The following CD7 variants were observed in gnomAD, a reference collection of about 807,000 sequenced individuals.
The protein encoded by CD7 is CD7 molecule.
In CD7, 19 loss-of-function variants were observed where a neutral mutation model predicts 17.6. The observed-to-expected ratio is 1.08, with a 90% CI of 0.75 to 1.58. The LOEUF is 1.58. CD7 is among the 40% of genes most tolerant of loss of function. The pLI is 0.00. For missense variants in CD7, 291 were observed against 327.1 expected, an observed-to-expected ratio of 0.89 and a Z score of 0.85; for synonymous variants, 160 against 159.8, an observed-to-expected ratio of 1.00 and a Z score of -0.01.
Position 82,315,081 on chromosome 17 carries a change from G to T in CD7, c.*240C>A. ...CAAAGGACAGTCAGGCTTCCTCCCGGTGGCGGCGTGGGCTGGGCAGGGAAG... is the reference window on the plus strand; with the variant it reads ...CAAAGGACAGTCAGGCTTCCTCCCGTTGGCGGCGTGGGCTGGGCAGGGAAG... On this transcript the variant is annotated 3_prime_UTR_variant, in exon 4 of 4. Coordinates refer to ENST00000312648, the MANE Select transcript of CD7 (RefSeq NM_006137.7). 2.1e-6 allele frequency: 1 copy of T among 485,920 alleles called. No individual in the cohort carries two copies. Among genetic ancestry groups the T allele is most frequent in the South Asian group, 2.2e-5 (1 of 46,108 alleles). 30.1% of individuals were successfully genotyped at this position (485,920 alleles called of 1,614,324 possible).
At chr17:82,315,481 G>A (rs1424886421) in intron 3 of CD7, 50 bp from the exon 4 acceptor site, 1 of 1,401,580 alleles carries the variant, frequency 7.1e-7, no homozygotes, top group East Asian at 2.3e-5. Context: ...TGGTGTCCTG[G>A]ACCCCACCCC....
chr17:82,316,830 G>A lies in CD7; in HGVS notation c.234C>T (p.Pro78=). ...GGCCCCGGAACCGTCTGTCCGTAGT[G>A]GGCACCACCCCGTCCTCGTAGTAAA... ...DIIYYEDGVV[P]TTDRRFRGRI... Residue 78 remains proline (P), a synonymous_variant, in exon 2 of 4, where the codon CCC becomes CCT. Coordinates refer to ENST00000312648, the MANE Select transcript of CD7 (RefSeq NM_006137.7). 6.2e-7 allele frequency: 1 copy of A among 1,613,996 alleles called. No homozygotes were observed. The highest frequency in any genetic ancestry group is 8.5e-7 in the Non-Finnish European group (1 of 1,180,000).
intron 2 of CD7, 99 bp from the exon 3 acceptor site, chr17:82,316,508 G>A (rs1339114029): frequency 1.6e-6 from 2 of 1,273,942 alleles, no homozygotes; most frequent in African/African-American, 1.5e-5. Flanking sequence ...TGGAGGGGAG[G>A]AGGGGCAGCT....
rs182753321 is a variant in CD7, at chr17:82,316,342, T to A, written c.465A>T (p.Pro155=). The A allele has an allele frequency of 8.1e-5, 128 of 1,588,816 alleles. No homozygotes were observed. The highest frequency in any genetic ancestry group is 5.0e-4 in the Admixed American group (28 of 56,346). ...GGTCAGGGAGGGCGGAGCCTGTCGG[T>A]GGGGCAGGGAGGGCAGAGGCCCTTG... The part of the protein sequence containing the change: ...APPRASALPA[P]PTGSALPDPQ... Residue 155 remains proline, a synonymous_variant, in exon 3 of 4, where the codon CCA becomes CCT. Coordinates refer to ENST00000312648, the MANE Select transcript of CD7 (RefSeq NM_006137.7).
rs760684249 is a variant in CD7, at chr17:82,316,158, C to A, written c.612+37G>T. 917 of 1,542,538 alleles carry A rather than the reference C, an allele frequency of 5.9e-4. 2 individuals are homozygous for A. The highest frequency in any genetic ancestry group is 7.6e-4 in the Non-Finnish European group (868 of 1,139,776). The stretch of plus-strand genomic sequence containing the variant: ...CGCTGCTCTCAGGAGAGGGAACAAT[C>A]TTTGGGGTGCAGGTGGCAGCTGGGG... On this transcript the variant is annotated intron_variant, in intron 3 of 3. Coordinates refer to ENST00000312648, the MANE Select transcript of CD7 (RefSeq NM_006137.7).
Position 82,316,371 on chromosome 17 carries a change from G to T in CD7, c.436C>A (p.Pro146Thr). 6.3e-7 allele frequency: 1 copy of T among 1,592,922 alleles called. No homozygotes were observed. Among genetic ancestry groups the T allele is most frequent in the Non-Finnish European group, 8.5e-7 (1 of 1,170,342 alleles). Residue 146 changes from proline to threonine, a missense_variant, in exon 3 of 4, where the codon CCA becomes ACA. Pro to Thr is a conservative substitution (Grantham distance 38). Coordinates refer to ENST00000312648, the MANE Select transcript of CD7 (RefSeq NM_006137.7). ...SQGWHRCSDA[P>T]PRASALPAPP... ...GCAGGGAGGGCAGAGGCCCTTGGTGGGGCGTCCGAGCATCTGTGCCATCCT... is the reference window on the plus strand; with the variant it reads ...GCAGGGAGGGCAGAGGCCCTTGGTGTGGCGTCCGAGCATCTGTGCCATCCT...
At chr17:82,316,505 G>A (rs1427258970) in intron 2 of CD7, 96 bp from the exon 3 acceptor site, 7 of 1,299,730 alleles carry the variant, frequency 5.4e-6, no homozygotes, top group Non-Finnish European at 6.4e-6. Flanking sequence ...CTGTGGAGGG[G>A]AGGAGGGGCA....
In CD7 at chr17:82,317,591, C is replaced by T. The variant is rs566575598; in HGVS notation, c.-96G>A. The T allele has an allele frequency of 1.7e-4, 203 of 1,172,374 alleles. No homozygotes were observed. The highest frequency in any genetic ancestry group is 2.8e-4 in the Middle Eastern group (1 of 3,590). 72.6% of individuals were successfully genotyped at this position (1,172,374 alleles called of 1,614,324 possible). A position where few individuals can be genotyped will look rare whatever the true frequency, so the allele number is the denominator to read the frequency against. ...AGAGCAGCACACAGGAGACCGCAGG[C>T]GCTCAGAGCTCAGAGAGGGCTTCCT... On this transcript the variant is annotated 5_prime_UTR_variant, in exon 1 of 4. Transcript: ENST00000312648.
In CD7 at chr17:82,315,403, T is replaced by G. The variant is rs781041449; in HGVS notation, c.641A>C (p.Lys214Thr). 6.2e-7 allele frequency: 1 copy of G among 1,613,242 alleles called. No homozygotes were observed. Among genetic ancestry groups the G allele is most frequent in the African/African-American group, 1.3e-5 (1 of 74,886 alleles). ...QIKKLCSWRD[K>T]NSAACVVYED... The stretch of plus-strand genomic sequence containing the variant: ...GTACACCACACATGCCGCCGAATTC[T>G]TATCCCGCCACGAGCACAGTTTCTT... The change falls in exon 4 of 4, where the codon AAG becomes ACG. Residue 214 changes from lysine to threonine, a missense_variant. Transcript: ENST00000312648.
At chr17:82,316,480 C>CGGG (rs1339054398) in intron 2 of CD7, 71 bp from the exon 3 acceptor site, 2 of 1,406,262 alleles carry the variant, frequency 1.4e-6, no homozygotes, top group African/African-American at 2.9e-5. Context: ...GTTTGGGATT[C>CGGG]GGGGCAGGGA....
intron 3 of CD7, chr17:82,315,642 GA>G: frequency 3.5e-6 from 2 of 567,984 alleles, no homozygotes; most frequent in Non-Finnish European, 6.3e-6. Flanking sequence ...AAGGAGAGTG[GA>G]AGTGGCTTGG....
At chr17:82,315,696 C>A (rs2052004212) in intron 3 of CD7, 5 of 547,528 alleles carry the variant, frequency 9.1e-6, no homozygotes, top group South Asian at 6.1e-5. Flanking sequence ...CCCACTCCAG[C>A]CCCAGACAAA....
rs139943005 is a variant in CD7 at position 82,316,935 on chromosome 17, G to A, written c.129C>T (p.Ser43=). 76 of 1,608,082 alleles carry A rather than the reference G, an allele frequency of 4.7e-5. No homozygotes were observed. In the African/African-American group the frequency reaches 6.8e-4, roughly 14 times the overall value. The change falls in exon 2 of 4, where the codon TCC becomes TCT. Residue 43 remains serine (S), a synonymous_variant. Coordinates refer to ENST00000312648, the MANE Select transcript of CD7 (RefSeq NM_006137.7). ...PHCTTVPVGA[S]VNITCSTSGG... is the part of the protein sequence containing the mutation. ...CGCTGGTGGAGCAGGTGATGTTGAC[G>A]GAGGCTCCCACGGGGACAGTCGTGC...
chr17:82,315,789 C>T, intron 3 of CD7: 1 of 568,210 alleles, frequency 1.8e-6, no homozygotes, highest in East Asian at 3.0e-5. Context: ...ACACAGCACG[C>T]CGGCACACTC....
rs1179324099 is a variant in CD7, at chr17:82,315,204, AACTCTGCTGCAGCCGTGGGAGG to A, written c.*95_*116del. On this transcript the variant is annotated 3_prime_UTR_variant, in exon 4 of 4. Coordinates refer to ENST00000312648, the MANE Select transcript of CD7 (RefSeq NM_006137.7). ...GAGCTGGGCACGGCTGGGCCCTTCA[AACTCTGCTGCAGCCGTGGGAGG>A]ACAGCAGGGTGAGGGGTGTGGCAGG... 1.7e-5 allele frequency: 12 copies of A among 700,866 alleles called. No homozygotes were observed. The Admixed American group carries it at 2.3e-4, about 13-fold the overall frequency. The allele number at this position is 700,866 out of a possible 1,614,324, so 43.4% of individuals were successfully genotyped here. A position where few individuals can be genotyped will look rare whatever the true frequency, so the allele number is the denominator to read the frequency against.
rs779536531 is a variant in CD7 at position 82,315,450 on chromosome 17, G to A, written c.613-19C>T. 193 of 1,597,778 alleles carry A rather than the reference G, an allele frequency of 1.2e-4. No homozygotes were observed. The highest frequency in any genetic ancestry group is 2.2e-4 in the South Asian group (20 of 90,710). ...TCTTTATCTGAAAGACAGAACCGCC[G>A]TCTCCAACCAGTGGCCAGCGTGGTG... On this transcript the variant is annotated intron_variant, in intron 3 of 3. Transcript: ENST00000312648.
At position 82,316,978 on chromosome 17, in the gene CD7, A is replaced by C; in HGVS notation, c.86T>G (p.Val29Gly). 3 of 1,582,254 alleles carry C rather than the reference A, an allele frequency of 1.9e-6. No individual in the cohort carries two copies. Among genetic ancestry groups the C allele is most frequent in the Non-Finnish European group, 2.6e-6 (3 of 1,167,728 alleles). The stretch of plus-strand genomic sequence containing the variant: ...AGTCGTGCAGTGGGGAGACTGCTGC[A>C]CCTCTGGGGAGGACCTGGGCTGTCA... ...GLPGALAAQE[V>G]QQSPHCTTVP... The change falls in exon 2 of 4, where the codon GTG becomes GGG. Residue 29 changes from valine to glycine, a missense_variant. Coordinates refer to ENST00000312648, the MANE Select transcript of CD7 (RefSeq NM_006137.7).
chr17:82,315,327 G>A lies in CD7; in HGVS notation c.717C>T (p.Tyr239=). ...CGTGCAGGGGCCCACTGGGTCACTGGTACTGGTTGGGGGAGGACAGCGTGT... is the reference window on the plus strand; with the variant it reads ...CGTGCAGGGGCCCACTGGGTCACTGATACTGGTTGGGGGAGGACAGCGTGT... ...RCNTLSSPNQ[Y]Q Residue 239 remains tyrosine (Y), a synonymous_variant, in exon 4 of 4, where the codon TAC becomes TAT. Coordinates refer to ENST00000312648, the MANE Select transcript of CD7 (RefSeq NM_006137.7). 1.2e-6 allele frequency: 2 copies of A among 1,610,220 alleles called. No homozygotes were observed. Among genetic ancestry groups the A allele is most frequent in the African/African-American group, 2.7e-5 (2 of 74,784 alleles).
Position 82,315,131 on chromosome 17 carries a change from C to T in CD7, c.*190G>A, listed in dbSNP as rs1599646143. The T allele has an allele frequency of 1.8e-6, 1 of 570,226 alleles. No individual in the cohort carries two copies. 35.3% of individuals were successfully genotyped at this position (570,226 alleles called of 1,614,324 possible). A position where few individuals can be genotyped will look rare whatever the true frequency, so the allele number is the denominator to read the frequency against. ...GGCTTCCCGGAGGAGGCATCATTGT[C>T]CACTGAGAAGCACCGTGGGGCCTGG... On this transcript the variant is annotated 3_prime_UTR_variant, in exon 4 of 4. Transcript: ENST00000312648.
Sources: allele counts gnomAD v4.1 joint callset, GRCh38; gene constraint gnomAD v4.1.1; transcripts MANE v1.5; gene names NCBI Gene and HGNC (gene_info 2026-07-23, HGNC 2026-07-21).